HEATR1: variants seen among roughly 807,000 people sequenced by gnomAD.
HEATR1 encodes HEAT repeat-containing protein 1.
In HEATR1, 77 loss-of-function variants were observed where a neutral mutation model predicts 248.2. That is an observed-to-expected ratio of 0.31 (90% CI 0.26 to 0.37). The LOEUF is 0.37. Among genes scored for constraint, HEATR1 ranks in the 10% least tolerant of loss-of-function variants. HEATR1 has a pLI of 1.00. For missense variants in HEATR1, 2,420 were observed against 2,504.9 expected (o/e 0.97, Z 0.72); for synonymous variants, 897 against 923.1 (o/e 0.97, Z 0.51).
At chr1:236,574,937 T>C (rs74145927) in intron 22 of HEATR1, 34 bp from the exon 23 acceptor site, 68,812 of 1,595,370 alleles carry the variant, frequency 0.043, 2,448 homozygotes, top group East Asian at 0.14. Flanking sequence ...TAAATAGTTA[T>C]GTATACTGAT....
chr1:236,558,930 A>G lies in HEATR1; in HGVS notation c.4911+65T>C, dbSNP rs951472328. ...TTGTACCACTAGAGAAATTGAAGGG[A>G]GTTAAATGCAGCTCTTTGATAAAGC... On this transcript the variant is annotated intron_variant, in intron 35 of 44. Coordinates refer to ENST00000366582, the MANE Select transcript of HEATR1 (RefSeq NM_018072.6). 6.0e-6 allele frequency: 8 copies of G among 1,343,580 alleles called. No homozygotes were observed. In the African/African-American group the frequency reaches 8.8e-5, roughly 15 times the overall value. The allele number at this position is 1,343,580 out of a possible 1,614,324, so 83.2% of individuals were successfully genotyped here.
chr1:236,596,096 T>C (rs1369341453), intron 6 of HEATR1, 52 bp from the exon 7 acceptor site: 2 of 1,315,902 alleles, frequency 1.5e-6, no homozygotes, highest in Non-Finnish European at 1.1e-6. Context: ...TATTTTCTGC[T>C]ACTTTAAATG....
intron 28 of HEATR1, among the ~76,000 whole-genome samples, chr1:236,570,349 G>A (rs1445967796): frequency 6.6e-6 from 1 of 152,100 alleles, no homozygotes; most frequent in Non-Finnish European, 1.5e-5. Flanking sequence ...GACACAGAGG[G>A]CCACATATTG....
chr1:236,580,876 G>A (rs112753715), intron 20 of HEATR1, among the ~76,000 whole-genome samples: 27 of 146,214 alleles, frequency 1.8e-4, no homozygotes, highest in African/African-American at 4.4e-4. Flanking sequence ...CTGGAGTGCA[G>A]TGGCACAATC....
rs1279263406 is a variant in HEATR1, at chr1:236,596,888, G to A, written c.692C>T (p.Ala231Val). ...GATGATATTGTCTGATACGTCCTCT[G>A]CAGCTACCAGCGCCGACACTATGGT... ...ASTIVSALVA[A>V]EDVSDNIIAK... The change falls in exon 6 of 45, where the codon GCA becomes GTA. Residue 231 changes from alanine to valine, a missense_variant. Coordinates refer to ENST00000366582, the MANE Select transcript of HEATR1 (RefSeq NM_018072.6). The A allele has an allele frequency of 1.2e-6, 2 of 1,614,070 alleles. No homozygotes were observed. The highest frequency in any genetic ancestry group is 3.3e-5 in the Admixed American group (2 of 60,018).
In HEATR1 at chr1:236,587,956, C is replaced by T; in HGVS notation, c.1618G>A (p.Ala540Thr). ...NIDVVLSAIS[A>T]FEIFKEHFSS... ...ATGACAAATTCACTCACCTCAAAAG[C>T]ACTTATAGCCGACAAAACAACATCT... The change falls in exon 13 of 45, where the codon GCT becomes ACT. Residue 540 changes from alanine (A) to threonine (T), a missense_variant. Physicochemically the swap from Ala to Thr is moderately conservative, Grantham distance 58. Coordinates refer to ENST00000366582, the MANE Select transcript of HEATR1 (RefSeq NM_018072.6). 6.2e-7 allele frequency: 1 copy of T among 1,608,502 alleles called. No homozygotes were observed. The highest frequency in any genetic ancestry group is 1.3e-5 in the African/African-American group (1 of 74,772).
chr1:236,573,319 G>A (rs1663476892), intron 24 of HEATR1, among the ~76,000 whole-genome samples: 1 of 152,146 alleles, frequency 6.6e-6, no homozygotes, highest in Non-Finnish European at 1.5e-5. Context: ...AATCAGCTAG[G>A]AAGGAATAAG....
chr1:236,592,977 C>A (rs683284), intron 9 of HEATR1, among the ~76,000 whole-genome samples: 38 of 152,084 alleles, frequency 2.5e-4, no homozygotes, highest in Non-Finnish European at 4.4e-4. Context: ...GGCGGATCAC[C>A]TGAGGACAGG....
At chr1:236,600,592 G>A (rs574520804) in intron 3 of HEATR1, among the ~76,000 whole-genome samples, 6 of 151,336 alleles carry the variant, frequency 4.0e-5, no homozygotes, top group Admixed American at 6.6e-5. Context: ...GTGCAGTGGT[G>A]TGATCTCAGC....
At position 236,586,039 on chromosome 1, in the gene HEATR1, G is replaced by A. The variant is rs1663875322; in HGVS notation, c.1928-98C>T. On this transcript the variant is annotated intron_variant, in intron 15 of 44. Transcript: ENST00000366582. ...AAACATTTTACTATTGTTTATGAAG[G>A]TTTGCTTTCTATTTTTCCTTGTATC... 3.4e-6 allele frequency: 5 copies of A among 1,457,092 alleles called. No individual in the cohort carries two copies. The Admixed American group carries it at 9.9e-5, about 29-fold the overall frequency. The allele number at this position is 1,457,092 out of a possible 1,614,324, so 90.3% of individuals were successfully genotyped here.
chr1:236,582,634 C>T, intron 19 of HEATR1, 102 bp downstream of exon 19: 1 of 1,213,150 alleles, frequency 8.2e-7, no homozygotes, highest in Non-Finnish European at 1.2e-6. Context: ...AACTCCTGAC[C>T]TCAAGTGATC....
chr1:236,593,087 G>A (rs1664084828), intron 9 of HEATR1, among the ~76,000 whole-genome samples: 1 of 152,150 alleles, frequency 6.6e-6, no homozygotes, highest in Non-Finnish European at 1.5e-5. Flanking sequence ...CCAGCTACCA[G>A]GGAGGCTGAG....
intron 29 of HEATR1, among the ~76,000 whole-genome samples, chr1:236,567,984 A>G (rs1663319132): frequency 6.6e-6 from 1 of 152,254 alleles, no homozygotes; most frequent in African/African-American, 2.4e-5. Flanking sequence ...AGAAAGAATG[A>G]CAGAAAACAC....
chr1:236,603,907 G>T, intron 2 of HEATR1, 47 bp downstream of exon 2: 1 of 1,565,918 alleles, frequency 6.4e-7, no homozygotes, highest in Non-Finnish European at 8.6e-7. Context: ...GTAACATCCA[G>T]AAAACAAACG....
intron 9 of HEATR1, among the ~76,000 whole-genome samples, chr1:236,593,540 CACA>C (rs1664095311): frequency 7.0e-6 from 1 of 143,356 alleles, no homozygotes; most frequent in Non-Finnish European, 1.5e-5. Flanking sequence ...TATGTCTGAC[CACA>C]ACGCCTACAT....
rs1663562155 is a variant in HEATR1 at position 236,576,371 on chromosome 1, C to T, written c.2932G>A (p.Ala978Thr). ...CTCTGTAGTTCCTCAAATAAAGTAG[C>T]CAAATCCTAAGATACCAAAAAGAAA... ...SDAAYVIQDL[A>T]TLFEELQREK... Residue 978 changes from alanine to threonine, a missense_variant, in exon 22 of 45, where the codon GCT becomes ACT. Coordinates refer to ENST00000366582, the MANE Select transcript of HEATR1 (RefSeq NM_018072.6). 2 of 1,573,974 alleles carry T rather than the reference C, an allele frequency of 1.3e-6. No homozygotes were observed. The highest frequency in any genetic ancestry group is 1.4e-5 in the African/African-American group (1 of 72,352).
rs548012984 is a variant in HEATR1 at position 236,594,794 on chromosome 1, T to C, written c.1091-680A>G. Among the ~76,000 whole-genome samples the C allele has an allele frequency of 3.3e-5, 5 of 152,248 alleles. No individual in the cohort carries two copies. The South Asian group carries it at 8.3e-4, about 25-fold the overall frequency. On this transcript the variant is annotated intron_variant, in intron 8 of 44. Coordinates refer to ENST00000366582, the MANE Select transcript of HEATR1 (RefSeq NM_018072.6). ...AAAGACATAATGCAAATAATCACTTTCTAATTATTATTATTATTTTTGAGA... is the reference window on the plus strand; with the variant it reads ...AAAGACATAATGCAAATAATCACTTCCTAATTATTATTATTATTTTTGAGA...
chr1:236,602,070 T>C (rs1173584562), intron 3 of HEATR1, among the ~76,000 whole-genome samples: 4 of 149,696 alleles, frequency 2.7e-5, no homozygotes, highest in African/African-American at 4.9e-5. Flanking sequence ...ACCTGGGAGG[T>C]GGAGGTTGCA....
Position 236,592,562 on chromosome 1 carries a change from T to A in HEATR1, c.1265A>T (p.Asn422Ile). Residue 422 changes from asparagine to isoleucine, a missense_variant, in exon 10 of 45, where the codon AAT becomes ATT. Asn to Ile is a moderately radical substitution (Grantham distance 149). Transcript: ENST00000366582. ...EMDSNKVSLLNEQFLPLIRLL... is the reference protein window; with the variant it reads ...EMDSNKVSLLIEQFLPLIRLL... ...CCTAATGAGTGGAAGAAATTGTTCA[T>A]TAAGCAAAGACACTTTATTAGAATC... The A allele has an allele frequency of 2.0e-6, 3 of 1,512,654 alleles. No homozygotes were observed. Among genetic ancestry groups the A allele is most frequent in the Non-Finnish European group, 2.8e-6 (3 of 1,089,926 alleles). 93.7% of individuals were successfully genotyped at this position (1,512,654 alleles called of 1,614,324 possible).
Sources: allele counts gnomAD v4.1 joint callset (sites outside exome capture counted in the v4.1 genomes callset), GRCh38; gene constraint gnomAD v4.1.1; transcripts MANE v1.5; gene names NCBI Gene and HGNC (gene_info 2026-07-23, HGNC 2026-07-21).